The following SEC14L1 variants were observed in gnomAD, a reference collection of about 807,000 sequenced individuals.
SEC14L1 encodes SEC14 like lipid binding 1.
SEC14L1 carries 48 observed loss-of-function variants against 85.3 expected under a neutral mutation model. That is an observed-to-expected ratio of 0.56 (90% CI 0.45 to 0.72). SEC14L1 has a LOEUF of 0.72. Ranked by LOEUF, SEC14L1 falls within the 30% of genes least tolerant of loss-of-function variation. The pLI, the probability that SEC14L1 is intolerant of heterozygous loss-of-function variation, is 0.00. For missense variants in SEC14L1, 682 were observed against 921.4 expected, an observed-to-expected ratio of 0.74 and a Z score of 3.36; for synonymous variants, 391 against 355.5, an observed-to-expected ratio of 1.10 and a Z score of -1.12.
At chr17:77,171,204 C>T (rs1974508707) in intron 3 of SEC14L1, among the ~76,000 whole-genome samples, 1 of 152,188 alleles carries the variant, frequency 6.6e-6, no homozygotes, top group African/African-American at 2.4e-5. Flanking sequence ...AGCGGCATCA[C>T]ACATAGCCTG....
chr17:77,170,417 C>T (rs1277282598), intron 3 of SEC14L1, among the ~76,000 whole-genome samples: 1 of 152,126 alleles, frequency 6.6e-6, no homozygotes. Flanking sequence ...TTCTTTCCAA[C>T]TTCTGACGAG....
At chr17:77,150,045 T>C (rs1234906169) in intron 3 of SEC14L1, among the ~76,000 whole-genome samples, 1 of 152,200 alleles carries the variant, frequency 6.6e-6, no homozygotes, top group African/African-American at 2.4e-5. Flanking sequence ...CCACAGGCAG[T>C]GCTCTCAGAG....
intron 3 of SEC14L1, among the ~76,000 whole-genome samples, chr17:77,135,831 C>T (rs995713558): frequency 5.9e-5 from 9 of 151,472 alleles, no homozygotes; most frequent in African/African-American, 1.9e-4. Context: ...ATGTATCTGG[C>T]GCCTCTCTCT....
chr17:77,091,694 C>T (rs367998475), intron 2 of SEC14L1, among the ~76,000 whole-genome samples: 37 of 152,158 alleles, frequency 2.4e-4, no homozygotes, highest in African/African-American at 8.0e-4. Flanking sequence ...GCACACAGAA[C>T]CCTTTTGCAT....
chr17:77,212,187 G>C lies in SEC14L1; in HGVS notation c.1849G>C (p.Gly617Arg). The change falls in exon 15 of 17, where the codon GGA becomes CGA. Residue 617 changes from glycine (G) to arginine (R), a missense_variant. This residue lies in a region of SEC14L1 where 420 missense variants were observed against 619.5 expected (regional missense o/e 0.68). Coordinates refer to ENST00000436233, the MANE Select transcript of SEC14L1 (RefSeq NM_001143998.2). ...GGAGTCGCCTCTGATCTGCAAAGAA[G>C]GAGAAAGCGTGCAGGTAAAATCACA... ...MVESPLICKE[G>R]ESVQGSHVTR... The C allele has an allele frequency of 6.2e-7, 1 of 1,613,636 alleles. No individual in the cohort carries two copies. Among genetic ancestry groups the C allele is most frequent in the South Asian group, 1.1e-5 (1 of 91,086 alleles).
chr17:77,172,836 C>T (rs1974576823), intron 3 of SEC14L1, among the ~76,000 whole-genome samples: 1 of 152,106 alleles, frequency 6.6e-6, no homozygotes, highest in Non-Finnish European at 1.5e-5. Context: ...TTTTGAGTTC[C>T]TTTAATTATC....
chr17:77,191,105 A>G (rs1280006122), intron 4 of SEC14L1, 76 bp from the exon 5 acceptor site: 2 of 1,543,948 alleles, frequency 1.3e-6, no homozygotes, highest in East Asian at 2.2e-5. Flanking sequence ...CCCAGAGACA[A>G]CATGAACTTA....
upstream of SEC14L1, among the ~76,000 whole-genome samples, chr17:77,136,200 GCTTT>G (rs566433901): frequency 3.7e-3 from 559 of 151,502 alleles, 4 homozygotes; most frequent in African/African-American, 0.012. Flanking sequence ...TTTCTCTTTT[GCTTT>G]CTTTCTTTTT....
chr17:77,114,856 AAAGG>A (rs1442950680), intron 3 of SEC14L1, among the ~76,000 whole-genome samples: 3 of 151,306 alleles, frequency 2.0e-5, no homozygotes, highest in Admixed American at 2.0e-4. Context: ...AAAAAAAAAA[AAAGG>A]AGGCAGGCAC....
intron 3 of SEC14L1, among the ~76,000 whole-genome samples, chr17:77,122,846 G>T (rs895871783): frequency 6.6e-6 from 1 of 152,150 alleles, no homozygotes; most frequent in African/African-American, 2.4e-5. Context: ...TGCAGTCCCC[G>T]TGTCTCCTCC....
chr17:77,177,899 C>T (rs1026000394), intron 3 of SEC14L1, among the ~76,000 whole-genome samples: 8 of 151,912 alleles, frequency 5.3e-5, no homozygotes, highest in African/African-American at 1.9e-4. Context: ...CATGGCTGTC[C>T]TATGAAGAGT....
intron 3 of SEC14L1, among the ~76,000 whole-genome samples, chr17:77,144,103 ACT>A (rs1195884886): frequency 6.6e-6 from 1 of 151,826 alleles, no homozygotes; most frequent in East Asian, 1.9e-4. Context: ...GATTCAAATG[ACT>A]CTGTTGAATG....
At chr17:77,185,110 T>G (rs1354898257) in intron 3 of SEC14L1, 3 of 551,468 alleles carry the variant, frequency 5.4e-6, no homozygotes, top group East Asian at 2.9e-4. Context: ...TGAGTAAGAT[T>G]GTATTGTATG....
intron 8 of SEC14L1, chr17:77,199,301 G>A (rs943433116): frequency 3.4e-4 from 53 of 155,854 alleles, no homozygotes; most frequent in Admixed American, 8.5e-4. Context: ...ACCACACCCC[G>A]CCAGTGAAGA....
intron 3 of SEC14L1, among the ~76,000 whole-genome samples, chr17:77,108,801 AAAAAG>A (rs1340578080): frequency 5.3e-5 from 8 of 149,854 alleles, no homozygotes; most frequent in African/African-American, 1.7e-4. Flanking sequence ...AAAAAAAAAA[AAAAAG>A]AATGTATATG....
intron 3 of SEC14L1, among the ~76,000 whole-genome samples, chr17:77,123,828 A>G (rs984161168): frequency 6.6e-6 from 1 of 152,194 alleles, no homozygotes; most frequent in Non-Finnish European, 1.5e-5. Flanking sequence ...GGACACCTGG[A>G]CAAAGTTGGG....
intron 3 of SEC14L1, among the ~76,000 whole-genome samples, chr17:77,103,775 C>T (rs959018000): frequency 2.2e-5 from 1 of 45,982 alleles, no homozygotes; most frequent in Non-Finnish European, 4.5e-5. Context: ...TCTCCTCCTA[C>T]GCCTGGATTT....
At position 77,190,793 on chromosome 17, in the gene SEC14L1, A is replaced by C; in HGVS notation, c.64-10A>C. The stretch of plus-strand genomic sequence containing the variant: ...GCTCACTTCTGCTTTCTTGGTTTTT[A>C]AATTTATAGGCCTATGAAAGGAGGT... On this transcript the variant is annotated splice_polypyrimidine_tract_variant and intron_variant, in intron 3 of 16. Transcript: ENST00000436233. 6.2e-7 allele frequency: 1 copy of C among 1,613,848 alleles called. No individual in the cohort carries two copies. The highest frequency in any genetic ancestry group is 8.5e-7 in the Non-Finnish European group (1 of 1,179,840).
At chr17:77,189,562 C>T (rs1168244660) in intron 3 of SEC14L1, among the ~76,000 whole-genome samples, 1 of 152,148 alleles carries the variant, frequency 6.6e-6, no homozygotes, top group African/African-American at 2.4e-5. Flanking sequence ...AGTCCTTTGT[C>T]AGATACATGG....
Sources: allele counts gnomAD v4.1 joint callset (sites outside exome capture counted in the v4.1 genomes callset), GRCh38; gene constraint gnomAD v4.1.1; regional missense constraint gnomAD v4.1.1; transcripts MANE v1.5; gene names NCBI Gene and HGNC (gene_info 2026-07-23, HGNC 2026-07-21).